Variants in ATP6V1A observed in about 807,000 individuals in gnomAD.
The protein encoded by ATP6V1A is ATPase H+ transporting V1 subunit A.
Under a neutral mutation model 70.1 loss-of-function variants are expected in ATP6V1A, and 18 were observed. The observed-to-expected ratio is 0.26, with a 90% CI of 0.18 to 0.38. ATP6V1A has a LOEUF of 0.38. ATP6V1A is among the 10% of genes least tolerant of loss of function. The pLI is 1.00. For missense variants in ATP6V1A, 424 were observed against 772.4 expected, an observed-to-expected ratio of 0.55 and a Z score of 5.35; for synonymous variants, 232 against 253.8, an observed-to-expected ratio of 0.91 and a Z score of 0.82.
intron 1 of ATP6V1A, among the ~76,000 whole-genome samples, chr3:113,769,440 A>G (rs952410924): frequency 3.9e-5 from 6 of 152,238 alleles, no homozygotes; most frequent in African/African-American, 1.4e-4. Context: ...ACTCTAATGT[A>G]ACAAGTGTTA....
At position 113,798,421 on chromosome 3, in the gene ATP6V1A, C is replaced by A. The variant is rs1242991591; in HGVS notation, c.1469C>A (p.Ala490Glu). ...KEILQEEEDL[A>E]EIVQLVGKAS... ...ATTCTGCAGGAAGAAGAAGACCTGG[C>A]AGAAATTGTACAGCTTGTGGGAAAG... The change falls in exon 12 of 15, where the codon GCA becomes GAA. Residue 490 changes from alanine (A) to glutamate (E), a missense_variant. Around this residue, in one of 9 missense-constraint regions of ATP6V1A, gnomAD observed 127 missense variants for 207.9 expected, o/e 0.61. Transcript: ENST00000273398. The A allele has an allele frequency of 5.6e-6, 9 of 1,613,768 alleles. No individual in the cohort carries two copies. The highest frequency in any genetic ancestry group is 6.8e-6 in the Non-Finnish European group (8 of 1,179,858).
At chr3:113,795,385 A>G (rs964841871) in intron 10 of ATP6V1A, among the ~76,000 whole-genome samples, 181 bp downstream of exon 10, 11 of 152,174 alleles carry the variant, frequency 7.2e-5, no homozygotes, top group African/African-American at 2.6e-4. Context: ...TGTTTAGGCA[A>G]TTTCTACATG....
chr3:113,793,298 G>A (rs546331496), intron 8 of ATP6V1A, among the ~76,000 whole-genome samples: 2 of 152,060 alleles, frequency 1.3e-5, no homozygotes, highest in South Asian at 4.2e-4. Context: ...CCTGACCTCG[G>A]GGGATCTGCC....
chr3:113,765,447 A>C (rs1299628603), intron 1 of ATP6V1A, among the ~76,000 whole-genome samples: 1 of 151,874 alleles, frequency 6.6e-6, no homozygotes, highest in African/African-American at 2.4e-5. Flanking sequence ...TCTACTAAAA[A>C]TACAAAATTA....
chr3:113,807,354 A>G (rs1405863602), intron 14 of ATP6V1A, among the ~76,000 whole-genome samples: 1 of 151,302 alleles, frequency 6.6e-6, no homozygotes, highest in African/African-American at 2.4e-5. Context: ...TAATTTTTGT[A>G]TTTTTAGTAG....
intron 3 of ATP6V1A, among the ~76,000 whole-genome samples, chr3:113,782,910 C>T (rs1224953663): frequency 6.6e-6 from 1 of 152,054 alleles, no homozygotes; most frequent in Non-Finnish European, 1.5e-5. Context: ...TACTGTTATA[C>T]ACCTTGCTTT....
intron 6 of ATP6V1A, among the ~76,000 whole-genome samples, chr3:113,786,980 A>G (rs1004343703): frequency 1.3e-5 from 2 of 152,024 alleles, no homozygotes; most frequent in East Asian, 1.9e-4. Context: ...GGGTTTGACT[A>G]TGTTGCCTAG....
intron 8 of ATP6V1A, among the ~76,000 whole-genome samples, chr3:113,790,049 C>T (rs1462022625): frequency 6.6e-6 from 1 of 152,108 alleles, no homozygotes; most frequent in Admixed American, 6.6e-5. Flanking sequence ...GCCGGCAGAT[C>T]ACTTGAGGTC....
At chr3:113,803,355 C>T in intron 12 of ATP6V1A, 1 of 434,856 alleles carries the variant, frequency 2.3e-6, no homozygotes, top group Non-Finnish European at 4.1e-6. Flanking sequence ...GTGAGTATAC[C>T]TAACACTGTT....
In ATP6V1A at chr3:113,760,991, C is replaced by T. The variant is rs144427849; in HGVS notation, c.-14+13878C>T. Among the ~76,000 whole-genome samples, 1,340 of 151,394 alleles carry T rather than the reference C, an allele frequency of 8.9e-3. 19 individuals carry two copies. The highest frequency in any genetic ancestry group is 0.064 in the South Asian group (305 of 4,786). ...CGGAGGCAGTAGAATTGCTTGAATC[C>T]GGGAGGGGGAGGTTGCAGTGAGCCT... On this transcript the variant is annotated intron_variant, in intron 1 of 14. Coordinates refer to ENST00000273398, the MANE Select transcript of ATP6V1A (RefSeq NM_001690.4).
chr3:113,765,422 T>C (rs1708757085), intron 1 of ATP6V1A, among the ~76,000 whole-genome samples: 1 of 151,798 alleles, frequency 6.6e-6, no homozygotes, highest in African/African-American at 2.4e-5. Flanking sequence ...CTGACCAATG[T>C]GGTGAAACCC....
intron 1 of ATP6V1A, among the ~76,000 whole-genome samples, chr3:113,764,642 T>C (rs1157441796): frequency 6.6e-6 from 1 of 152,214 alleles, no homozygotes; most frequent in Non-Finnish European, 1.5e-5. Context: ...AAGCTTTAAA[T>C]CAATAGGATC....
chr3:113,786,660 T>G (rs1709042928), intron 6 of ATP6V1A, among the ~76,000 whole-genome samples: 1 of 150,696 alleles, frequency 6.6e-6, no homozygotes, highest in Non-Finnish European at 1.5e-5. Flanking sequence ...ACCAAAACAT[T>G]TACTTTTTTC....
At chr3:113,753,238 A>G (rs1708608667) in intron 1 of ATP6V1A, among the ~76,000 whole-genome samples, 1 of 152,214 alleles carries the variant, frequency 6.6e-6, no homozygotes. Flanking sequence ...TAATCAATAT[A>G]CTAACAATGA....
chr3:113,786,453 A>G lies in ATP6V1A; in HGVS notation c.716+70A>G, dbSNP rs553662586. The G allele has an allele frequency of 5.2e-5, 78 of 1,508,104 alleles. No individual in the cohort carries two copies. The African/African-American group carries it at 9.4e-4, about 18-fold the overall frequency. The allele number at this position is 1,508,104 out of a possible 1,614,324, so 93.4% of individuals were successfully genotyped here. A position where few individuals can be genotyped will look rare whatever the true frequency, so the allele number is the denominator to read the frequency against. On this transcript the variant is annotated intron_variant, in intron 6 of 14. Transcript: ENST00000273398. ...ATGTGCTTATGTTTTTATTATCTTT[A>G]TAGATAAAGGGCTTATGTGTTTAAC...
chr3:113,763,386 C>A (rs1708728592), intron 1 of ATP6V1A, among the ~76,000 whole-genome samples: 1 of 152,342 alleles, frequency 6.6e-6, no homozygotes, highest in East Asian at 1.9e-4. Context: ...CACACCCAGT[C>A]CTTCCATGTA....
chr3:113,762,058 A>G (rs1323498230), intron 1 of ATP6V1A, among the ~76,000 whole-genome samples: 1 of 129,998 alleles, frequency 7.7e-6, no homozygotes, highest in East Asian at 2.4e-4. Context: ...AGGCTGAAGC[A>G]GGAGAATTGC....
chr3:113,763,429 C>G (rs1708729741), intron 1 of ATP6V1A, among the ~76,000 whole-genome samples: 1 of 152,192 alleles, frequency 6.6e-6, no homozygotes, highest in Non-Finnish European at 1.5e-5. Flanking sequence ...TGATTTGCTG[C>G]TTTAAATCTG....
chr3:113,808,287 C>T (rs200727709), intron 14 of ATP6V1A, among the ~76,000 whole-genome samples: 2 of 89,804 alleles, frequency 2.2e-5, no homozygotes, highest in Admixed American at 1.5e-4. Context: ...AAGTCTGTCT[C>T]TTTTTTTTTT....
Sources: allele counts gnomAD v4.1 joint callset (sites outside exome capture counted in the v4.1 genomes callset), GRCh38; gene constraint gnomAD v4.1.1; regional missense constraint gnomAD v4.1.1; transcripts MANE v1.5; gene names NCBI Gene and HGNC (gene_info 2026-07-23, HGNC 2026-07-21).